The following GRM4 variants were observed in gnomAD, a reference collection of about 807,000 sequenced individuals.
GRM4 encodes the protein glutamate metabotropic receptor 4.
A neutral mutation model predicts 81.7 loss-of-function variants in GRM4; 28 were observed. That is an observed-to-expected ratio of 0.34 (90% CI 0.25 to 0.47). GRM4 has a LOEUF of 0.47. Ranked by LOEUF, GRM4 falls within the 20% of genes least tolerant of loss-of-function variation. The pLI, the probability that GRM4 is intolerant of heterozygous loss-of-function variation, is 1.00. For synonymous variants in GRM4, 488 were observed against 528.8 expected, an observed-to-expected ratio of 0.92 and a Z score of 1.06; for missense variants, 948 against 1,290.0, an observed-to-expected ratio of 0.73 and a Z score of 4.06.
rs917140616 is a variant in GRM4 at position 34,084,208 on chromosome 6, G to A, written c.736+7675C>T. Among the ~76,000 whole-genome samples, 10 of 152,240 alleles carry A rather than the reference G, an allele frequency of 6.6e-5. No homozygotes were observed. The East Asian group carries it at 1.9e-3, about 29-fold the overall frequency. Reference sequence around the variant, plus strand: ...GGCTGCTGTACCCACTCCCATCACAGGTGAGAGGAGGAAGCCCAGGGAAGA... The same window carrying A: ...GGCTGCTGTACCCACTCCCATCACAAGTGAGAGGAGGAAGCCCAGGGAAGA... On this transcript the variant is annotated intron_variant, in intron 3 of 10. Coordinates refer to ENST00000538487, the MANE Select transcript of GRM4 (RefSeq NM_000841.4).
chr6:34,053,699 T>C (rs1938708260), intron 6 of GRM4, among the ~76,000 whole-genome samples: 3 of 152,222 alleles, frequency 2.0e-5, no homozygotes, highest in Admixed American at 2.0e-4. Flanking sequence ...CAAACTTTGC[T>C]GCATAGTAGA....
At chr6:34,140,449 T>A (rs1770633253) in intron 1 of GRM4, among the ~76,000 whole-genome samples, 1 of 152,002 alleles carries the variant, frequency 6.6e-6, no homozygotes, top group African/African-American at 2.4e-5. Flanking sequence ...CAGGGACTCA[T>A]CACCAGAGAA....
At chr6:34,119,984 G>T (rs930136076) in intron 2 of GRM4, among the ~76,000 whole-genome samples, 1 of 152,226 alleles carries the variant, frequency 6.6e-6, no homozygotes, top group Non-Finnish European at 1.5e-5. Flanking sequence ...CTGGAAGGGT[G>T]CGCAGGGAAT....
intron 9 of GRM4, among the ~76,000 whole-genome samples, chr6:34,032,670 GGAC>G (rs1764496630): frequency 6.6e-6 from 1 of 152,154 alleles, no homozygotes; most frequent in Admixed American, 6.5e-5. Flanking sequence ...ATCATCTCAG[GGAC>G]TCCCTTCATA....
Position 34,071,961 on chromosome 6 carries a change from TACAC to T in GRM4, c.737-9937_737-9934del, listed in dbSNP as rs1485535119. 4.8e-5 allele frequency among the ~76,000 whole-genome samples: 7 copies of T among 145,224 alleles called. No individual in the cohort carries two copies. In the East Asian group the frequency reaches 1.2e-3, roughly 25 times the overall value. Reference sequence around the variant, plus strand: ...AGACACACACATATCACCACACAGATACACACCACACACACACTCCCACACATCA... The same window carrying T: ...AGACACACACATATCACCACACAGATACCACACACACACTCCCACACATCA... On this transcript the variant is annotated intron_variant, in intron 3 of 10. Transcript: ENST00000538487.
chr6:34,084,981 A>C (rs543260019), intron 3 of GRM4, among the ~76,000 whole-genome samples: 10 of 152,268 alleles, frequency 6.6e-5, no homozygotes, highest in Admixed American at 5.9e-4. Flanking sequence ...TACTGTGTGC[A>C]GGGCAGGTGC....
intron 2 of GRM4, among the ~76,000 whole-genome samples, chr6:34,126,042 C>A (rs2127507178): frequency 6.6e-6 from 1 of 152,332 alleles, no homozygotes; most frequent in South Asian, 2.1e-4. Context: ...ATCATCACAC[C>A]CATTTCACAG....
chr6:34,086,079 C>T (rs575766983), intron 3 of GRM4, among the ~76,000 whole-genome samples: 81 of 152,336 alleles, frequency 5.3e-4, no homozygotes, highest in Admixed American at 1.2e-3. Flanking sequence ...GGAGAGGCAG[C>T]GGAACAGGCA....
intron 3 of GRM4, among the ~76,000 whole-genome samples, chr6:34,072,777 C>CACACATCACCAT: frequency 7.0e-6 from 1 of 143,444 alleles, no homozygotes; most frequent in Admixed American, 7.0e-5. Flanking sequence ...ACACACCACA[C>CACACATCACCAT]ACAGACCCAA....
intron 5 of GRM4, 94 bp downstream of exon 5, chr6:34,058,880 A>G: frequency 1.0e-6 from 1 of 963,510 alleles, no homozygotes; most frequent in Non-Finnish European, 1.6e-6. Context: ...AAGGATATGG[A>G]AAGAGGCGGA....
chr6:34,056,441 G>A, intron 6 of GRM4, 103 bp downstream of exon 6: 1 of 1,095,834 alleles, frequency 9.1e-7, no homozygotes, highest in Admixed American at 2.3e-5. Context: ...GCCACGGCCG[G>A]CCGACGACAG....
chr6:34,071,845 A>C (rs1047177671), intron 3 of GRM4, among the ~76,000 whole-genome samples: 2 of 142,080 alleles, frequency 1.4e-5, no homozygotes, highest in Non-Finnish European at 3.1e-5. Context: ...ACACAGATAC[A>C]AACCACACAC....
chr6:34,150,996 C>T (rs1771033522), upstream of GRM4, among the ~76,000 whole-genome samples: 1 of 152,196 alleles, frequency 6.6e-6, no homozygotes, highest in South Asian at 2.1e-4. Context: ...AGGCACAGGT[C>T]CTGACTGTGC....
At position 34,068,933 on chromosome 6, in the gene GRM4, A is replaced by C. The variant is rs528401722; in HGVS notation, c.737-6905T>G. ...CCTCGCTTTCTCCCTTCCTTTAAAA[A>C]GAATTTTTTTTTAATTTAAAAAGAG... On this transcript the variant is annotated intron_variant, in intron 3 of 10. Transcript: ENST00000538487. This position sits in a 1 kb window ranked among gnomAD's most constrained non-coding sequence, Gnocchi z 4.2. Among the ~76,000 whole-genome samples, 1 of 152,334 alleles carries C rather than the reference A, an allele frequency of 6.6e-6. No homozygotes were observed. The highest frequency in any genetic ancestry group is 2.4e-5 in the African/African-American group (1 of 41,574).
At chr6:34,045,014 C>T (rs559930268) in intron 6 of GRM4, among the ~76,000 whole-genome samples, 1 of 152,082 alleles carries the variant, frequency 6.6e-6, no homozygotes, top group Admixed American at 6.5e-5. Context: ...ACACACCACA[C>T]AGATACACAC....
At chr6:34,149,446 G>A (rs1016617577), upstream of GRM4, among the ~76,000 whole-genome samples, 33 of 152,212 alleles carry the variant, frequency 2.2e-4, no homozygotes, top group Admixed American at 6.5e-4. Flanking sequence ...AGAGCTGACT[G>A]CAAAGAGAAT....
chr6:34,059,294 G>A lies in GRM4; in HGVS notation c.873-166C>T, dbSNP rs557113620. ...CCCAAGCCATGGATTCCCCCTACCCGCTGCCCTCACCTGCTCATAGACCCA... is the reference window on the plus strand; with the variant it reads ...CCCAAGCCATGGATTCCCCCTACCCACTGCCCTCACCTGCTCATAGACCCA... On this transcript the variant is annotated intron_variant, in intron 4 of 10. Transcript: ENST00000538487. The surrounding 1 kb of genome is among the most constrained non-coding windows in gnomAD (Gnocchi z 5.7). 2.9e-5 allele frequency: 19 copies of A among 661,786 alleles called. No individual in the cohort carries two copies. The highest frequency in any genetic ancestry group is 2.2e-4 in the Admixed American group (9 of 40,762). 41.0% of individuals were successfully genotyped at this position (661,786 alleles called of 1,614,324 possible).
intron 2 of GRM4, among the ~76,000 whole-genome samples, chr6:34,097,210 C>G (rs1221317691): frequency 2.0e-5 from 3 of 152,136 alleles, no homozygotes; most frequent in Non-Finnish European, 4.4e-5. Flanking sequence ...AGGAAAGGAA[C>G]AGGGGAGTGT....
At chr6:34,102,115 C>T in intron 2 of GRM4, 1 of 1,535,546 alleles carries the variant, frequency 6.5e-7, no homozygotes, top group South Asian at 1.2e-5. Flanking sequence ...GAAGAGTTTG[C>T]ACCATCTTGC....
Sources: allele counts gnomAD v4.1 joint callset (sites outside exome capture counted in the v4.1 genomes callset), GRCh38; gene constraint gnomAD v4.1.1; non-coding constraint Gnocchi (gnomAD v3.1); transcripts MANE v1.5; gene names NCBI Gene and HGNC (gene_info 2026-07-23, HGNC 2026-07-21).